The following CLCN7 variants were observed in gnomAD, a reference collection of about 807,000 sequenced individuals.
CLCN7 encodes Cl-/H+ antiporter 7.
A neutral mutation model predicts 102.1 loss-of-function variants in CLCN7; 60 were observed. That is an observed-to-expected ratio of 0.59 (90% CI 0.48 to 0.73). The LOEUF is 0.73. Among genes scored for constraint, CLCN7 ranks in the 30% least tolerant of loss-of-function variants. The pLI, the probability that CLCN7 is intolerant of heterozygous loss-of-function variation, is 0.00. For synonymous variants in CLCN7, 560 were observed against 490.5 expected, an observed-to-expected ratio of 1.14 and a Z score of -1.87; for missense variants, 962 against 1,125.7, an observed-to-expected ratio of 0.85 and a Z score of 2.08.
At chr16:1,450,258 G>GC (rs1003649332) in intron 17 of CLCN7, 1 of 577,430 alleles carries the variant, frequency 1.7e-6, no homozygotes, top group Non-Finnish European at 3.1e-6. Flanking sequence ...ACGAGCCTCC[G>GC]CCCCCTACCT....
At position 1,446,238 on chromosome 16, in the gene CLCN7, C is replaced by A; in HGVS notation, c.*393G>T. On this transcript the variant is annotated 3_prime_UTR_variant, in exon 25 of 25. Coordinates refer to ENST00000382745, the MANE Select transcript of CLCN7 (RefSeq NM_001287.6). ...GAGGGGCCCTTCCAGGGCAGGGCAG[C>A]CCTCGGGGCAGCAGCAGGGGCAAGG... is the stretch of plus-strand genomic sequence containing the variant. The A allele has an allele frequency of 1.5e-6, 1 of 659,866 alleles. No individual in the cohort carries two copies. Among genetic ancestry groups the A allele is most frequent in the South Asian group, 1.7e-5 (1 of 59,592 alleles). 40.9% of individuals were successfully genotyped at this position (659,866 alleles called of 1,614,324 possible). A position where few individuals can be genotyped will look rare whatever the true frequency, so the allele number is the denominator to read the frequency against.
At chr16:1,459,012 G>A (rs2038883629) in intron 7 of CLCN7, 95 bp downstream of exon 7, 4 of 1,062,154 alleles carry the variant, frequency 3.8e-6, no homozygotes, top group Admixed American at 4.4e-5. Flanking sequence ...GGGTGGCTGA[G>A]GCCAGTTCTG....
chr16:1,462,665 C>CAA (rs67969666), intron 2 of CLCN7, among the ~76,000 whole-genome samples: 1,087 of 35,742 alleles, frequency 0.03, 15 homozygotes, highest in African/African-American at 0.073. Flanking sequence ...AAAAAAAAGC[C>CAA]AAAAAAAAAA....
chr16:1,457,887 G>GCACCCCCAGGCT lies in CLCN7; in HGVS notation c.676-143_676-132dup. The GCACCCCCAGGCT allele has an allele frequency of 2.3e-6, 2 of 861,518 alleles. No individual in the cohort carries two copies. Among genetic ancestry groups the GCACCCCCAGGCT allele is most frequent in the Non-Finnish European group, 3.8e-6 (2 of 526,542 alleles). The allele number at this position is 861,518 out of a possible 1,614,324, so 53.4% of individuals were successfully genotyped here. On this transcript the variant is annotated intron_variant, in intron 7 of 24. Coordinates refer to ENST00000382745, the MANE Select transcript of CLCN7 (RefSeq NM_001287.6). The surrounding 1 kb of genome is among the most constrained non-coding windows in gnomAD (Gnocchi z 5.4). ...ACACGGGGCCTCCGGGAGGGGGCCA[G>GCACCCCCAGGCT]CACCCCCAGGCTGGGTCTCCCCATG...
chr16:1,455,479 G>GTGGACCC, intron 11 of CLCN7: 1 of 647,520 alleles, frequency 1.5e-6, no homozygotes, highest in Non-Finnish European at 2.8e-6. Context: ...GGAAGGTGGG[G>GTGGACCC]CAGGGCTGGG....
chr16:1,474,996 G>A lies in CLCN7; in HGVS notation c.-22C>T, dbSNP rs553118768. Reference sequence around the variant, plus strand: ...CCATGGCCCGCCGCGGAGCGACACCGGCCGGGAAGCGCCGGCTGCCCCCGT... The same window carrying A: ...CCATGGCCCGCCGCGGAGCGACACCAGCCGGGAAGCGCCGGCTGCCCCCGT... On this transcript the variant is annotated 5_prime_UTR_variant, in exon 1 of 25. Transcript: ENST00000382745. The A allele has an allele frequency of 1.0e-5, 15 of 1,447,394 alleles. No individual in the cohort carries two copies. The highest frequency in any genetic ancestry group is 8.8e-5 in the African/African-American group (6 of 67,934). The allele number at this position is 1,447,394 out of a possible 1,614,324, so 89.7% of individuals were successfully genotyped here.
rs536608217 is a variant in CLCN7 at position 1,468,048 on chromosome 16, G to A, written c.142-2710C>T. On this transcript the variant is annotated intron_variant, in intron 1 of 24. Transcript: ENST00000382745. Reference sequence around the variant, plus strand: ...CAGTGAGCTATGGTTGCACCACTGCGCTCCAGCCTGGGCAACACGGCAAGA... The same window carrying A: ...CAGTGAGCTATGGTTGCACCACTGCACTCCAGCCTGGGCAACACGGCAAGA... Among the ~76,000 whole-genome samples the A allele has an allele frequency of 8.6e-5, 13 of 152,006 alleles. No individual in the cohort carries two copies. In the South Asian group the frequency reaches 2.5e-3, roughly 29 times the overall value.
At position 1,465,324 on chromosome 16, in the gene CLCN7, C is replaced by T. The variant is rs771913266; in HGVS notation, c.156G>A (p.Ala52=). ...PGAARQSPRS[A]LFRVGHMSSV... The stretch of plus-strand genomic sequence containing the variant: ...TGCTCATATGTCCGACTCGGAAAAG[C>T]GCAGAACGTGGTGACTAAAAGCAGA... The change falls in exon 2 of 25, where the codon GCG becomes GCA. Residue 52 remains alanine, a synonymous_variant. Transcript: ENST00000382745. The T allele has an allele frequency of 1.5e-5, 24 of 1,613,496 alleles. No homozygotes were observed. Among genetic ancestry groups the T allele is most frequent in the Admixed American group, 1.2e-4 (7 of 59,946 alleles).
At chr16:1,447,189 C>T (rs769862318) in intron 23 of CLCN7, 103 bp from the exon 24 acceptor site, 49 of 1,245,280 alleles carry the variant, frequency 3.9e-5, no homozygotes, top group Admixed American at 1.4e-4. Flanking sequence ...CGTCCAGGCA[C>T]GTCCTGAGCC....
rs577430222 is a variant in CLCN7, at chr16:1,464,955, G to A, written c.213+312C>T. On this transcript the variant is annotated intron_variant, in intron 2 of 24. Coordinates refer to ENST00000382745, the MANE Select transcript of CLCN7 (RefSeq NM_001287.6). ...ATCCGGCCCCCTCTCACTCTCCTGG[G>A]GCTCCTCACTGCCCCCCCAAGATCC... Among the ~76,000 whole-genome samples the A allele has an allele frequency of 1.2e-4, 17 of 139,060 alleles. No individual in the cohort carries two copies. In the South Asian group the frequency reaches 3.8e-3, roughly 31 times the overall value. The allele number at this position is 139,060 out of a possible 152,430, so 91.2% of individuals were successfully genotyped here.
At chr16:1,468,707 A>G (rs1299277195) in intron 1 of CLCN7, among the ~76,000 whole-genome samples, 2 of 152,060 alleles carry the variant, frequency 1.3e-5, no homozygotes, top group African/African-American at 2.4e-5. Context: ...TGGGACTAGA[A>G]AGATGGGTCT....
intron 2 of CLCN7, among the ~76,000 whole-genome samples, chr16:1,463,747 A>G (rs1257519380): frequency 6.7e-6 from 1 of 150,116 alleles, no homozygotes; most frequent in Non-Finnish European, 1.5e-5. Context: ...TGTTGGGATT[A>G]CAGGTGTGAA....
Position 1,446,505 on chromosome 16 carries a change from CTGCAGGG to C in CLCN7, c.*119_*125del. ...CCGCGCCTGCCGCCTGCCCGCCCAG[CTGCAGGG>C]TGCTCGCCATTGCCACTGCTGGGGA... On this transcript the variant is annotated 3_prime_UTR_variant, in exon 25 of 25. Transcript: ENST00000382745. The C allele has an allele frequency of 1.1e-6, 1 of 882,824 alleles. No homozygotes were observed. Among genetic ancestry groups the C allele is most frequent in the South Asian group, 1.4e-5 (1 of 70,988 alleles). 54.7% of individuals were successfully genotyped at this position (882,824 alleles called of 1,614,324 possible).
chr16:1,473,118 T>TAC (rs2039100117), intron 1 of CLCN7, among the ~76,000 whole-genome samples: 1 of 151,486 alleles, frequency 6.6e-6, no homozygotes, highest in African/African-American at 2.4e-5. Flanking sequence ...GGCATACACA[T>TAC]ACACACACAG....
chr16:1,455,882 C>T, intron 10 of CLCN7, 87 bp from the exon 11 acceptor site: 1 of 1,447,576 alleles, frequency 6.9e-7, no homozygotes, highest in South Asian at 1.2e-5. Context: ...TCCAGGGAAC[C>T]CAGACCACGT....
intron 2 of CLCN7, among the ~76,000 whole-genome samples, chr16:1,462,771 G>A (rs763092036): frequency 1.3e-5 from 2 of 151,420 alleles, no homozygotes; most frequent in Non-Finnish European, 2.9e-5. Context: ...AAACATGTAC[G>A]ATCAATTGAT....
Position 1,448,444 on chromosome 16 carries a change from C to A in CLCN7, c.1924G>T (p.Glu642Ter). 1 of 1,611,920 alleles carries A rather than the reference C, an allele frequency of 6.2e-7. No homozygotes were observed. Among genetic ancestry groups the A allele is most frequent in the South Asian group, 1.1e-5 (1 of 91,082 alleles). Residue 642 changes from glutamate (E) to a stop codon, truncating the protein, a stop_gained, in exon 21 of 25, where the codon GAG becomes TAG. Transcript: ENST00000382745. LOFTEE classifies it high-confidence loss of function. ...STPVTCLRRR[E>*]KVGVIVDVLS... ...ACGTCCACAATGACGCCGACCTTCT[C>A]ACGCCGCCTCAGGCAGGTCACTGGT...
At chr16:1,474,791 C>G in intron 1 of CLCN7, 43 bp downstream of exon 1, 1 of 1,274,044 alleles carries the variant, frequency 7.8e-7, no homozygotes, top group Non-Finnish European at 9.9e-7. Context: ...CTGCGGGGCG[C>G]ACGAGGGCTC....
At chr16:1,459,213 T>C (rs1567271206) in intron 6 of CLCN7, 26 bp from the exon 7 acceptor site, 2 of 1,597,304 alleles carry the variant, frequency 1.3e-6, no homozygotes, top group African/African-American at 1.3e-5. Flanking sequence ...CACGGCTGAG[T>C]GGGTCACGGC....
Sources: allele counts gnomAD v4.1 joint callset (sites outside exome capture counted in the v4.1 genomes callset), GRCh38; gene constraint gnomAD v4.1.1; non-coding constraint Gnocchi (gnomAD v3.1); transcripts MANE v1.5; gene names NCBI Gene and HGNC (gene_info 2026-07-23, HGNC 2026-07-21).